Variants in SYNE2 observed in about 807,000 individuals in gnomAD.
The protein encoded by SYNE2 is nesprin-2.
SYNE2 carries 431 observed loss-of-function variants against 856.3 expected under a neutral mutation model. The ratio of observed to expected loss-of-function variants is 0.50; its 90% CI spans 0.47 to 0.55. The LOEUF (loss-of-function observed/expected upper bound fraction) is 0.55. Ranked by LOEUF, SYNE2 falls within the 20% of genes least tolerant of loss-of-function variation. The pLI, the probability that SYNE2 is intolerant of heterozygous loss-of-function variation, is 0.00. For missense variants in SYNE2, 8,129 were observed against 8,023.2 expected, an observed-to-expected ratio of 1.01 and a Z score of -0.50; for synonymous variants, 2,923 against 2,872.3, an observed-to-expected ratio of 1.02 and a Z score of -0.56.
At chr14:64,221,051 A>T (rs1490335337) in intron 111 of SYNE2, among the ~76,000 whole-genome samples, 1 of 152,078 alleles carries the variant, frequency 6.6e-6, no homozygotes, top group Non-Finnish European at 1.5e-5. Context: ...TGAAAATGGG[A>T]ATCATTCCCA....
chr14:64,014,357 A>G (rs1200868882), intron 32 of SYNE2, among the ~76,000 whole-genome samples: 2 of 152,136 alleles, frequency 1.3e-5, no homozygotes, highest in Non-Finnish European at 2.9e-5. Flanking sequence ...GGTGAATATA[A>G]GTTTTTATTT....
chr14:64,147,168 T>TA (rs1385494801), intron 84 of SYNE2, among the ~76,000 whole-genome samples: 2 of 152,112 alleles, frequency 1.3e-5, no homozygotes, highest in Non-Finnish European at 2.9e-5. Flanking sequence ...TGTCGCTACA[T>TA]ACAGTTTCTC....
chr14:63,983,917 T>C, intron 18 of SYNE2, 31 bp downstream of exon 18: 1 of 1,410,710 alleles, frequency 7.1e-7, no homozygotes. Flanking sequence ...ATATTTCACT[T>C]GCAAATAGAA....
intron 113 of SYNE2, among the ~76,000 whole-genome samples, chr14:64,223,645 T>C (rs1567700090): frequency 6.6e-6 from 1 of 152,190 alleles, no homozygotes; most frequent in Non-Finnish European, 1.5e-5. Flanking sequence ...TTTGTATTTT[T>C]TGTAGAGAAG....
rs562354807 is a variant in SYNE2, at chr14:64,206,690, AT to A, written c.18202-2067del. Among the ~76,000 whole-genome samples, 29 of 152,260 alleles carry A rather than the reference AT, an allele frequency of 1.9e-4. No individual in the cohort carries two copies. The East Asian group carries it at 5.6e-3, about 29-fold the overall frequency. On this transcript the variant is annotated intron_variant, in intron 100 of 115. Transcript: ENST00000555002. The stretch of plus-strand genomic sequence containing the variant: ...ATTTGATTCAATGTAAGCTGAATAA[AT>A]AATGTAGGATAATTGCAGAGTTTAT...
intron 30 of SYNE2, among the ~76,000 whole-genome samples, chr14:64,004,413 C>A (rs1020182274): frequency 6.6e-6 from 1 of 151,842 alleles, no homozygotes; most frequent in Non-Finnish European, 1.5e-5. Flanking sequence ...TCGCTGCAAC[C>A]TCTGCCTCCC....
intron 70 of SYNE2, 154 bp downstream of exon 70, chr14:64,122,581 T>C: frequency 5.3e-6 from 5 of 945,350 alleles, no homozygotes; most frequent in Non-Finnish European, 8.2e-6. Flanking sequence ...AAACCTGCAT[T>C]AGGAACCCTT....
intron 60 of SYNE2, among the ~76,000 whole-genome samples, chr14:64,092,288 A>G (rs1184967219): frequency 6.6e-6 from 1 of 152,136 alleles, no homozygotes; most frequent in Non-Finnish European, 1.5e-5. Context: ...ATGCTGCTCA[A>G]ATTTTCCATC....
chr14:63,813,235 T>G (rs977917784), intron 1 of SYNE2, among the ~76,000 whole-genome samples: 1 of 152,204 alleles, frequency 6.6e-6, no homozygotes, highest in African/African-American at 2.4e-5. Flanking sequence ...CTAAACTTAT[T>G]TTGGAAAGAA....
intron 2 of SYNE2, among the ~76,000 whole-genome samples, chr14:63,933,141 G>C (rs73269826): frequency 0.092 from 13,951 of 152,132 alleles, 693 homozygotes; most frequent in South Asian, 0.17. Flanking sequence ...AGAAGAGGTC[G>C]CAAGGCTTCC....
intron 1 of SYNE2, among the ~76,000 whole-genome samples, chr14:63,832,303 A>G (rs553166192): frequency 8.3e-4 from 126 of 151,836 alleles, no homozygotes; most frequent in Admixed American, 2.0e-3. Flanking sequence ...GGAGTTCAAC[A>G]CCAGCCATGG....
intron 1 of SYNE2, among the ~76,000 whole-genome samples, chr14:63,884,039 T>C (rs1754941318): frequency 6.6e-6 from 1 of 152,138 alleles, no homozygotes. Context: ...GCCCAGGAGA[T>C]GAAGGAAAGC....
At chr14:64,128,143 C>G (rs558061579) in intron 73 of SYNE2, among the ~76,000 whole-genome samples, 8 of 152,216 alleles carry the variant, frequency 5.3e-5, no homozygotes, top group African/African-American at 1.9e-4. Context: ...AGAGAAGGAT[C>G]TTTATCTTTT....
chr14:63,817,912 C>G (rs1889058575), intron 1 of SYNE2, among the ~76,000 whole-genome samples: 1 of 147,622 alleles, frequency 6.8e-6, no homozygotes, highest in African/African-American at 2.5e-5. Flanking sequence ...GTGGTCCCAG[C>G]TAGTTGGGAG....
chr14:64,166,095 G>T (rs1001240077), intron 90 of SYNE2, among the ~76,000 whole-genome samples: 5 of 152,138 alleles, frequency 3.3e-5, no homozygotes, highest in African/African-American at 9.7e-5. Flanking sequence ...ATGACTGAAA[G>T]AATTAGATCT....
At chr14:63,774,298 A>G (rs1024563457) in intron 1 of SYNE2, among the ~76,000 whole-genome samples, 2 of 152,072 alleles carry the variant, frequency 1.3e-5, no homozygotes, top group Middle Eastern at 3.4e-3. Flanking sequence ...GTGAAACCCC[A>G]TGTCTACTAA....
At chr14:64,207,929 A>G (rs1403649357) in intron 100 of SYNE2, 1 of 448,606 alleles carries the variant, frequency 2.2e-6, no homozygotes, top group East Asian at 7.0e-5. Context: ...ATGGCAAAAC[A>G]GGTTCCTTAT....
intron 1 of SYNE2, among the ~76,000 whole-genome samples, chr14:63,813,630 T>TA (rs1002096439): frequency 1.3e-5 from 2 of 151,544 alleles, no homozygotes; most frequent in African/African-American, 2.4e-5. Flanking sequence ...CCATCTCTAC[T>TA]AAAAAAAATT....
At chr14:64,165,474 G>C (rs958546876) in intron 90 of SYNE2, 64 bp downstream of exon 90, 186 of 1,552,154 alleles carry the variant, frequency 1.2e-4, no homozygotes, top group Admixed American at 1.3e-4. Flanking sequence ...AAAATAAGCT[G>C]ATTACTGTGA....
Sources: gnomAD v4.1 joint callset for allele counts (sites outside exome capture counted in the v4.1 genomes callset) on GRCh38, gnomAD v4.1.1 for gene constraint, MANE v1.5 for transcripts, NCBI Gene and HGNC (gene_info 2026-07-23, HGNC 2026-07-21) for gene names.